The following NRXN3 variants were observed in gnomAD, a reference collection of about 807,000 sequenced individuals.
The protein encoded by NRXN3 is neurexin 3.
In NRXN3, 32 loss-of-function variants were observed where a neutral mutation model predicts 137.6. The ratio of observed to expected loss-of-function variants is 0.23; its 90% CI spans 0.18 to 0.31. The LOEUF is 0.31. NRXN3 is among the 10% of genes least tolerant of loss of function. NRXN3 has a pLI of 1.00. For synonymous variants in NRXN3, 798 were observed against 784.5 expected, an observed-to-expected ratio of 1.02 and a Z score of -0.29; for missense variants, 1,574 against 2,062.5, an observed-to-expected ratio of 0.76 and a Z score of 4.59.
intron 16 of NRXN3, among the ~76,000 whole-genome samples, chr14:79,539,246 T>G (rs964607537): frequency 6.6e-6 from 1 of 152,008 alleles, no homozygotes; most frequent in Admixed American, 6.6e-5. Flanking sequence ...GTTGGCCAGG[T>G]TGGTCTTGAA....
chr14:79,564,070 T>C (rs1021309601), intron 16 of NRXN3, among the ~76,000 whole-genome samples: 1 of 151,936 alleles, frequency 6.6e-6, no homozygotes, highest in African/African-American at 2.4e-5. Flanking sequence ...CTTAGTGAAG[T>C]ACAACCTCAG....
At chr14:78,425,612 A>T (rs1011904418) in intron 4 of NRXN3, among the ~76,000 whole-genome samples, 1 of 152,174 alleles carries the variant, frequency 6.6e-6, no homozygotes, top group Non-Finnish European at 1.5e-5. Flanking sequence ...CTTACCCTGA[A>T]TGGAGAGTGC....
At chr14:79,236,367 A>G (rs1648220796) in intron 15 of NRXN3, among the ~76,000 whole-genome samples, 2 of 152,144 alleles carry the variant, frequency 1.3e-5, no homozygotes, top group East Asian at 3.9e-4. Context: ...GTTCACATAC[A>G]TTTATGTATA....
At chr14:79,053,726 G>A (rs1285441189) in intron 15 of NRXN3, among the ~76,000 whole-genome samples, 3 of 151,994 alleles carry the variant, frequency 2.0e-5, no homozygotes, top group Non-Finnish European at 2.9e-5. Flanking sequence ...GGGAAAAGAG[G>A]GTGAAAGTGA....
At chr14:78,219,461 C>T (rs546387773) in intron 1 of NRXN3, among the ~76,000 whole-genome samples, 2 of 152,036 alleles carry the variant, frequency 1.3e-5, no homozygotes, top group African/African-American at 2.4e-5. Context: ...TCTCAAAGGC[C>T]GACCAATAAA....
chr14:78,594,854 A>G (rs1480999489), intron 4 of NRXN3, among the ~76,000 whole-genome samples: 1 of 152,244 alleles, frequency 6.6e-6, no homozygotes, highest in Admixed American at 6.5e-5. Flanking sequence ...ATTTCAGATC[A>G]ATTACATAAA....
chr14:78,641,815 C>G (rs1444856813), intron 4 of NRXN3, among the ~76,000 whole-genome samples: 1 of 152,192 alleles, frequency 6.6e-6, no homozygotes, highest in Non-Finnish European at 1.5e-5. Context: ...GGTATAGTTG[C>G]ATGGAGATTA....
intron 4 of NRXN3, among the ~76,000 whole-genome samples, chr14:78,457,808 G>C (rs1167273087): frequency 1.3e-5 from 2 of 152,154 alleles, no homozygotes; most frequent in Non-Finnish European, 2.9e-5. Flanking sequence ...ACAAACTCTA[G>C]ATCAAACACA....
intron 10 of NRXN3, among the ~76,000 whole-genome samples, chr14:78,870,562 A>G (rs1055666910): frequency 2.0e-5 from 3 of 152,068 alleles, no homozygotes; most frequent in Admixed American, 2.0e-4. Context: ...TTATTTTGAA[A>G]TATACAAATA....
chr14:79,750,058 G>A (rs1362263814), intron 19 of NRXN3, among the ~76,000 whole-genome samples: 1 of 152,102 alleles, frequency 6.6e-6, no homozygotes, highest in East Asian at 1.9e-4. Context: ...CTCATGATTT[G>A]TCCTTAATAG....
chr14:78,945,044 G>T (rs950732155), intron 10 of NRXN3, among the ~76,000 whole-genome samples: 16 of 152,140 alleles, frequency 1.1e-4, no homozygotes, highest in Non-Finnish European at 2.2e-4. Context: ...ACTATTTTAT[G>T]CATATAGACG....
At chr14:78,210,845 G>A (rs766393392) in intron 1 of NRXN3, among the ~76,000 whole-genome samples, 2 of 150,940 alleles carry the variant, frequency 1.3e-5, no homozygotes, top group East Asian at 1.9e-4. Flanking sequence ...TTTTATTGTC[G>A]AGCAAATCGT....
chr14:79,664,971 A>G (rs531286349), intron 17 of NRXN3, among the ~76,000 whole-genome samples: 3 of 152,292 alleles, frequency 2.0e-5, no homozygotes, highest in African/African-American at 7.2e-5. Context: ...GGGCACAATA[A>G]CAAAGAAGCT....
intron 16 of NRXN3, among the ~76,000 whole-genome samples, chr14:79,637,592 T>C (rs576860349): frequency 5.9e-5 from 9 of 152,140 alleles, no homozygotes; most frequent in Non-Finnish European, 1.2e-4. Flanking sequence ...AGCAAACATG[T>C]AGCTCATCAA....
intron 19 of NRXN3, among the ~76,000 whole-genome samples, chr14:79,770,380 C>T (rs376323914): frequency 0.12 from 17,419 of 147,202 alleles, 1,209 homozygotes; most frequent in Middle Eastern, 0.22. Flanking sequence ...GGAAGTAAAG[C>T]TCTCCTCAGC....
At chr14:78,175,647 T>C (rs1001006563) in intron 1 of NRXN3, among the ~76,000 whole-genome samples, 2 of 152,114 alleles carry the variant, frequency 1.3e-5, no homozygotes, top group African/African-American at 4.8e-5. Context: ...AGTGCGGTGC[T>C]GTGGCTGGGC....
chr14:78,966,105 G>C lies in NRXN3; in HGVS notation c.2476G>C (p.Val826Leu). 6.2e-7 allele frequency: 1 copy of C among 1,614,090 alleles called. No homozygotes were observed. The highest frequency in any genetic ancestry group is 8.5e-7 in the Non-Finnish European group (1 of 1,180,004). The change falls in exon 12 of 21, where the codon GTT (valine) becomes CTT (leucine). Residue 826 changes from valine (V) to leucine (L), a missense_variant. Val to Leu is a conservative substitution (Grantham distance 32). This residue lies in a region of NRXN3 where 718 missense variants were observed against 887.6 expected (regional missense o/e 0.81). Coordinates refer to ENST00000335750, the MANE Select transcript of NRXN3 (RefSeq NM_001330195.2). Reference protein sequence around the residue: ...GIMTEKRYISVVPSSFIGHLQ... With the variant: ...GIMTEKRYISLVPSSFIGHLQ... ...CATGACTGAGAAACGCTACATCTCC[G>C]TTGTCCCCTCCAGCTTTATTGGCCA...
chr14:79,533,581 C>T (rs1487909462), intron 16 of NRXN3, among the ~76,000 whole-genome samples: 2 of 152,084 alleles, frequency 1.3e-5, no homozygotes, highest in African/African-American at 2.4e-5. Flanking sequence ...ACAGGTGATT[C>T]CATATCCATG....
At chr14:79,108,218 T>C (rs2052812809) in intron 15 of NRXN3, among the ~76,000 whole-genome samples, 1 of 152,180 alleles carries the variant, frequency 6.6e-6, no homozygotes, top group Middle Eastern at 3.2e-3. Flanking sequence ...TTTTCAAGGG[T>C]GATTTTTAGA....
Sources: allele counts gnomAD v4.1 joint callset (sites outside exome capture counted in the v4.1 genomes callset), GRCh38; gene constraint gnomAD v4.1.1; regional missense constraint gnomAD v4.1.1; transcripts MANE v1.5; gene names NCBI Gene and HGNC (gene_info 2026-07-23, HGNC 2026-07-21).